The following NAB2 variants were observed in gnomAD, a reference collection of about 807,000 sequenced individuals.
The protein encoded by NAB2 is NGFI-A binding protein 2, also known as NGFI-A-binding protein 2.
A neutral mutation model predicts 44.2 loss-of-function variants in NAB2; 9 were observed. That is an observed-to-expected ratio of 0.20 (90% CI 0.12 to 0.36). The LOEUF is 0.36. Among genes scored for constraint, NAB2 ranks in the 10% least tolerant of loss-of-function variants. NAB2 has a pLI of 1.00. For synonymous variants in NAB2, 342 were observed against 291.0 expected, an observed-to-expected ratio of 1.18 and a Z score of -1.78; for missense variants, 514 against 709.0, an observed-to-expected ratio of 0.73 and a Z score of 3.12.
Position 57,095,126 on chromosome 12 carries a change from A to C in NAB2, c.*405A>C. 5.9e-6 allele frequency: 1 copy of C among 168,830 alleles called. No individual in the cohort carries two copies. Among genetic ancestry groups the C allele is most frequent in the Non-Finnish European group, 1.3e-5 (1 of 78,354 alleles). 10.5% of individuals were successfully genotyped at this position (168,830 alleles called of 1,614,324 possible). A position where few individuals can be genotyped will look rare whatever the true frequency, so the allele number is the denominator to read the frequency against. On this transcript the variant is annotated 3_prime_UTR_variant, in exon 7 of 7. Transcript: ENST00000300131. ...GCTAAAAGTGGCAACATTTGCCCCCAGAATTGGGGGCCTGGGAACACTGGA... is the reference window on the plus strand; with the variant it reads ...GCTAAAAGTGGCAACATTTGCCCCCCGAATTGGGGGCCTGGGAACACTGGA...
intron 2 of NAB2, 173 bp from the exon 3 acceptor site, chr12:57,092,275 G>C: frequency 4.5e-6 from 5 of 1,103,272 alleles, no homozygotes; most frequent in Non-Finnish European, 6.4e-6. Context: ...CTAGGAAGCT[G>C]TGGGTGCTGA....
In NAB2 at chr12:57,094,655, C is replaced by T; in HGVS notation, c.1512C>T (p.Pro504=). ...GLLDRCPAPG[P]HPALVEGRRS... ...TGGACAGATGTCCTGCCCCAGGACC[C>T]CATCCCGCGCTGGTGGAGGGTCGCA... is the stretch of plus-strand genomic sequence containing the variant. The change falls in exon 7 of 7, where the codon CCC becomes CCT. Residue 504 remains proline, a synonymous_variant. Coordinates refer to ENST00000300131, the MANE Select transcript of NAB2 (RefSeq NM_005967.4). The T allele has an allele frequency of 6.4e-7, 1 of 1,555,710 alleles. No individual in the cohort carries two copies. The highest frequency in any genetic ancestry group is 8.7e-7 in the Non-Finnish European group (1 of 1,149,238).
At chr12:57,093,316 G>T (rs1055528058) in intron 5 of NAB2, 91 bp from the exon 6 acceptor site, 5 of 1,464,934 alleles carry the variant, frequency 3.4e-6, no homozygotes, top group African/African-American at 1.4e-5. Context: ...GGCTGGAGGG[G>T]GGGCAGAAGG....
At chr12:57,093,685 G>GA in intron 6 of NAB2, 87 bp downstream of exon 6, 1 of 1,337,102 alleles carries the variant, frequency 7.5e-7, no homozygotes, top group Non-Finnish European at 9.9e-7. Flanking sequence ...CAGGTGGGAG[G>GA]AAGAGGGATA....
rs1268192471 is a variant in NAB2, at chr12:57,089,369, G to T, written c.83+15G>T. On this transcript the variant is annotated intron_variant, in intron 1 of 6. Transcript: ENST00000300131. ...CCCAGACTCAAGTTAGTGGGCAAAG[G>T]GAGGCAGCGGGGAGTGGAGATGGGT... The T allele has an allele frequency of 1.3e-6, 2 of 1,560,732 alleles. No homozygotes were observed. Among genetic ancestry groups the T allele is most frequent in the Non-Finnish European group, 1.7e-6 (2 of 1,152,326 alleles).
Position 57,094,901 on chromosome 12 carries a change from GGA to G in NAB2, c.*186_*187del. 1.6e-6 allele frequency: 1 copy of G among 607,210 alleles called. No individual in the cohort carries two copies. The highest frequency in any genetic ancestry group is 2.9e-6 in the Non-Finnish European group (1 of 344,754). The allele number at this position is 607,210 out of a possible 1,614,324, so 37.6% of individuals were successfully genotyped here. Reference sequence around the variant, plus strand: ...TTCAAGCAATAACAAGCAGAGGCCTGGAGAGAGGACACAAGGAGGGTGCGTGG... The same window carrying G: ...TTCAAGCAATAACAAGCAGAGGCCTGGAGAGGACACAAGGAGGGTGCGTGG... On this transcript the variant is annotated 3_prime_UTR_variant, in exon 7 of 7. Coordinates refer to ENST00000300131, the MANE Select transcript of NAB2 (RefSeq NM_005967.4).
chr12:57,092,568 T>C lies in NAB2; in HGVS notation c.1078T>C (p.Leu360=), dbSNP rs774813949. ...CCGAGAGAGCACCTACTTGTCCTCC[T>C]TGAAGGGCTCCAGGTGAGACCCCTT... ...VARESTYLSS[L]KGSRLHPEEL... is the part of the protein sequence containing the mutation. Residue 360 remains leucine (L), a synonymous_variant, in exon 3 of 7, where the codon TTG becomes CTG. Transcript: ENST00000300131. 9.9e-6 allele frequency: 16 copies of C among 1,614,036 alleles called. No individual in the cohort carries two copies. The highest frequency in any genetic ancestry group is 1.3e-5 in the Non-Finnish European group (15 of 1,180,016).
intron 1 of NAB2, among the ~76,000 whole-genome samples, chr12:57,090,439 T>C (rs1592531275): frequency 2.0e-5 from 3 of 152,154 alleles, no homozygotes; most frequent in Non-Finnish European, 2.9e-5. Context: ...ACAGCGCCAC[T>C]GCACTCCAGC....
intron 1 of NAB2, among the ~76,000 whole-genome samples, chr12:57,090,806 C>T (rs1212990793): frequency 1.3e-5 from 2 of 152,202 alleles, no homozygotes; most frequent in African/African-American, 4.8e-5. Context: ...TGGTCAGCCT[C>T]AGCGCTCAAG....
rs1181990343 is a variant in NAB2 at position 57,089,275 on chromosome 12, C to T, written c.4C>T (p.His2Tyr). Residue 2 changes from histidine (H) to tyrosine (Y), a missense_variant, in exon 1 of 7, where the codon CAC (histidine) becomes TAC (tyrosine). Physicochemically the swap from His to Tyr is moderately conservative, Grantham distance 83 (BLOSUM62 2). Around this residue, in one of 5 missense-constraint regions of NAB2, gnomAD observed 56 missense variants for 45.5 expected, o/e 1.23. Transcript: ENST00000300131. Reference sequence around the variant, plus strand: ...CCCGGGTGATCTCCGGCCGTCCATGCACAGAGCGCCTTCCCCCACAGCCGA... The same window carrying T: ...CCCGGGTGATCTCCGGCCGTCCATGTACAGAGCGCCTTCCCCCACAGCCGA... M[H>Y]RAPSPTAEQP... is the part of the protein sequence containing the mutation. The T allele has an allele frequency of 6.4e-7, 1 of 1,574,028 alleles. No individual in the cohort carries two copies. Among genetic ancestry groups the T allele is most frequent in the South Asian group, 1.2e-5 (1 of 85,936 alleles).
chr12:57,089,468 G>T, intron 1 of NAB2, 114 bp downstream of exon 1: 1 of 809,750 alleles, frequency 1.2e-6, no homozygotes, highest in Non-Finnish European at 1.9e-6. Context: ...ACGGGGGTGG[G>T]GGGTGGAGAC....
intron 1 of NAB2, among the ~76,000 whole-genome samples, chr12:57,090,122 T>TG (rs2033153201): frequency 1.3e-5 from 2 of 152,056 alleles, no homozygotes; most frequent in Non-Finnish European, 2.9e-5. Flanking sequence ...GAGGGGCCAC[T>TG]GAGGAGCACT....
At position 57,089,348 on chromosome 12, in the gene NAB2, G is replaced by A; in HGVS notation, c.77G>A (p.Arg26Lys). ...GDSARRTLQP[R>K]LKPSARAMAL... ...AGCGCCCGCCGGACCCTGCAGCCCA[G>A]ACTCAAGTTAGTGGGCAAAGGGAGG... Residue 26 changes from arginine (R) to lysine (K), a missense_variant, in exon 1 of 7, where the codon AGA becomes AAA. Physicochemically the swap from Arg to Lys is conservative, Grantham distance 26. Coordinates refer to ENST00000300131, the MANE Select transcript of NAB2 (RefSeq NM_005967.4). 1 of 1,571,068 alleles carries A rather than the reference G, an allele frequency of 6.4e-7. No individual in the cohort carries two copies. Among genetic ancestry groups the A allele is most frequent in the South Asian group, 1.2e-5 (1 of 85,774 alleles).
In NAB2 at chr12:57,092,010, C is replaced by CTGGGG. The variant is rs1565673414; in HGVS notation, c.957+12_957+13insTGGGG. The CTGGGG allele has an allele frequency of 1.1e-5, 18 of 1,592,924 alleles. No individual in the cohort carries two copies. Among genetic ancestry groups the CTGGGG allele is most frequent in the Non-Finnish European group, 1.5e-5 (17 of 1,167,616 alleles). ...TCAGCCTGCACGAGGTGAGAACCCC[C>CTGGGG]AGGCCTCCTAGGATTGCCCTTGACT... On this transcript the variant is annotated intron_variant, in intron 2 of 6. Coordinates refer to ENST00000300131, the MANE Select transcript of NAB2 (RefSeq NM_005967.4).
chr12:57,093,598 G>C lies in NAB2; in HGVS notation c.1468G>C (p.Glu490Gln). Reference protein sequence around the residue: ...PCVPAKPPLAEFEEGLLDRCP... With the variant: ...PCVPAKPPLAQFEEGLLDRCP... Reference sequence around the variant, plus strand: ...TGTGCCTGCGAAGCCACCTCTCGCAGGTGAGGCAGCCAGCAGTGCTGTCCC... The same window carrying C: ...TGTGCCTGCGAAGCCACCTCTCGCACGTGAGGCAGCCAGCAGTGCTGTCCC... Residue 490 changes from glutamate (E) to glutamine (Q), a missense_variant and splice_region_variant, in exon 6 of 7, where the codon GAG becomes CAG. By Grantham distance (29) the Glu-to-Gln change is conservative (BLOSUM62 2). This residue lies in a region of NAB2 where 194 missense variants were observed against 223.9 expected (regional missense o/e 0.87). Coordinates refer to ENST00000300131, the MANE Select transcript of NAB2 (RefSeq NM_005967.4). The C allele has an allele frequency of 6.6e-7, 1 of 1,505,924 alleles. No individual in the cohort carries two copies. Among genetic ancestry groups the C allele is most frequent in the Non-Finnish European group, 8.9e-7 (1 of 1,126,798 alleles). The allele number at this position is 1,505,924 out of a possible 1,614,324, so 93.3% of individuals were successfully genotyped here.
Position 57,091,919 on chromosome 12 carries a change from A to G in NAB2, c.878A>G (p.Glu293Gly). 1 of 1,614,134 alleles carries G rather than the reference A, an allele frequency of 6.2e-7. No homozygotes were observed. The highest frequency in any genetic ancestry group is 8.5e-7 in the Non-Finnish European group (1 of 1,180,010). ...EMDDNDSQKE[E>G]EIRKYSIIYG... is the part of the protein sequence containing the mutation. Reference sequence around the variant, plus strand: ...GATGATAATGACAGCCAGAAGGAAGAGGAGATCCGCAAATACAGCATCATC... The same window carrying G: ...GATGATAATGACAGCCAGAAGGAAGGGGAGATCCGCAAATACAGCATCATC... Residue 293 changes from glutamate to glycine, a missense_variant, in exon 2 of 7, where the codon GAG becomes GGG. This residue lies in a region of NAB2 where 53 missense variants were observed against 108.5 expected (regional missense o/e 0.49). Coordinates refer to ENST00000300131, the MANE Select transcript of NAB2 (RefSeq NM_005967.4). The surrounding 1 kb of genome is among the most constrained non-coding windows in gnomAD (Gnocchi z 7.3).
At chr12:57,090,668 G>A (rs2033167322) in intron 1 of NAB2, among the ~76,000 whole-genome samples, 1 of 152,188 alleles carries the variant, frequency 6.6e-6, no homozygotes, top group Admixed American at 6.5e-5. Flanking sequence ...CTGTGGGGGA[G>A]ACTGGGCTCC....
At chr12:57,092,674 C>T in intron 3 of NAB2, 93 bp downstream of exon 3, 1 of 1,487,428 alleles carries the variant, frequency 6.7e-7, no homozygotes. Context: ...TCTAGGCCTG[C>T]TTCCCGCCCA....
In NAB2 at chr12:57,093,414, G is replaced by C; in HGVS notation, c.1284G>C (p.Gly428=). The C allele has an allele frequency of 6.4e-7, 1 of 1,574,016 alleles. No individual in the cohort carries two copies. Residue 428 remains glycine, a synonymous_variant, in exon 6 of 7, where the codon GGG becomes GGC. Coordinates refer to ENST00000300131, the MANE Select transcript of NAB2 (RefSeq NM_005967.4). ...ESLDGHLQAV[G]SCPRLTPPPA... ...CAGTGCCCATGCCCACAGCTGTGGGGTCATGTCCAAGGCTGACGCCGCCCC... is the reference window on the plus strand; with the variant it reads ...CAGTGCCCATGCCCACAGCTGTGGGCTCATGTCCAAGGCTGACGCCGCCCC...
Sources: gnomAD v4.1 joint callset for allele counts (sites outside exome capture counted in the v4.1 genomes callset) on GRCh38, gnomAD v4.1.1 for gene constraint, gnomAD v4.1.1 regional missense constraint, Gnocchi (gnomAD v3.1) non-coding constraint, MANE v1.5 for transcripts, NCBI Gene and HGNC (gene_info 2026-07-23, HGNC 2026-07-21) for gene names.